Variants in ADAM32 observed in about 807,000 individuals in gnomAD.
The protein encoded by ADAM32 is ADAM metallopeptidase domain 32.
In ADAM32, 89 loss-of-function variants were observed where a neutral mutation model predicts 114.9. That is an observed-to-expected ratio of 0.77 (90% CI 0.65 to 0.92). ADAM32 has a LOEUF of 0.92. Among genes scored for constraint, ADAM32 ranks in the 40% least tolerant of loss-of-function variants. ADAM32 has a pLI of 0.00. For synonymous variants in ADAM32, 285 were observed against 307.5 expected, an observed-to-expected ratio of 0.93 and a Z score of 0.77; for missense variants, 870 against 932.8, an observed-to-expected ratio of 0.93 and a Z score of 0.88.
intron 13 of ADAM32, among the ~76,000 whole-genome samples, 196 bp from the exon 14 acceptor site, chr8:39,222,844 G>A (rs183175599): frequency 1.3e-5 from 2 of 151,996 alleles, no homozygotes; most frequent in Non-Finnish European, 1.5e-5. Flanking sequence ...TTGTACATAT[G>A]TCTTATCTCC....
At chr8:39,271,159 G>A (rs1025015273) in intron 20 of ADAM32, among the ~76,000 whole-genome samples, 2 of 152,100 alleles carry the variant, frequency 1.3e-5, no homozygotes, top group African/African-American at 4.8e-5. Context: ...AAATGAGATA[G>A]GACATGTATA....
intron 3 of ADAM32, among the ~76,000 whole-genome samples, chr8:39,145,904 T>A (rs1378247295): frequency 6.6e-6 from 1 of 151,928 alleles, no homozygotes; most frequent in African/African-American, 2.4e-5. Context: ...CTAATTTTGG[T>A]ATTTTTGGTA....
Position 39,180,314 on chromosome 8 carries a change from T to C in ADAM32, c.916-6595T>C, listed in dbSNP as rs1285544069. Among the ~76,000 whole-genome samples the C allele has an allele frequency of 2.0e-5, 3 of 152,204 alleles. No individual in the cohort carries two copies. The East Asian group carries it at 5.8e-4, about 29-fold the overall frequency. ...CCCAGCAGTGCCAGCCCACGGGTGC[T>C]GTGCTCGATTTCTCGCCGGGCCTTA... On this transcript the variant is annotated intron_variant, in intron 10 of 24. Coordinates refer to ENST00000379907, the MANE Select transcript of ADAM32 (RefSeq NM_145004.7).
chr8:39,129,941 G>A, intron 2 of ADAM32: 1 of 302,880 alleles, frequency 3.3e-6, no homozygotes. Context: ...GCATAAAATT[G>A]TACATCACAT....
intron 12 of ADAM32, among the ~76,000 whole-genome samples, chr8:39,217,832 G>A (rs887617992): frequency 6.6e-6 from 1 of 152,140 alleles, no homozygotes; most frequent in African/African-American, 2.4e-5. Context: ...TGTCTGAAAG[G>A]TCACATATCT....
At chr8:39,185,248 C>T (rs1806145350) in intron 10 of ADAM32, among the ~76,000 whole-genome samples, 1 of 129,110 alleles carries the variant, frequency 7.7e-6, no homozygotes, top group African/African-American at 2.9e-5. Context: ...CTAGGCAACA[C>T]GAGTGAAACT....
chr8:39,258,906 CTAA>C (rs756502786), intron 19 of ADAM32, among the ~76,000 whole-genome samples: 8 of 152,214 alleles, frequency 5.3e-5, no homozygotes, highest in East Asian at 1.9e-4. Flanking sequence ...TTAATCATTA[CTAA>C]TAATATCTTA....
Position 39,232,126 on chromosome 8 carries a change from G to A in ADAM32, c.1625G>A (p.Cys542Tyr), listed in dbSNP as rs755461733. The A allele has an allele frequency of 1.9e-6, 3 of 1,591,954 alleles. No homozygotes were observed. The highest frequency in any genetic ancestry group is 3.4e-5 in the Admixed American group (2 of 58,844). The change falls in exon 15 of 25, where the codon TGT becomes TAT. Residue 542 changes from cysteine (C) to tyrosine (Y), a missense_variant. Transcript: ENST00000379907. The stretch of plus-strand genomic sequence containing the variant: ...GATAGAAATAACAAATATGTGTTCT[G>A]TGGATGGAGGTATGCTCTACAAATA... ...GRDRNNKYVF[C>Y]GWRNLICGRL...
At chr8:39,206,389 G>A (rs1456018673) in intron 11 of ADAM32, among the ~76,000 whole-genome samples, 1 of 152,210 alleles carries the variant, frequency 6.6e-6, no homozygotes, top group Admixed American at 6.5e-5. Context: ...CAGCAGTGGT[G>A]GCAGTTGGTA....
In ADAM32 at chr8:39,224,113, C is replaced by T. The variant is rs548607997; in HGVS notation, c.1525+875C>T. The T allele has an allele frequency of 7.2e-5, 11 of 152,238 alleles. No individual in the cohort carries two copies. The South Asian group carries it at 1.9e-3, about 26-fold the overall frequency. 9.4% of individuals were successfully genotyped at this position (152,238 alleles called of 1,614,324 possible). On this transcript the variant is annotated intron_variant, in intron 14 of 24. Coordinates refer to ENST00000379907, the MANE Select transcript of ADAM32 (RefSeq NM_145004.7). The stretch of plus-strand genomic sequence containing the variant: ...CTAAGCTAAAAGTGAACTTTCTTCT[C>T]TTATACTCAGAACACAAATAAAACT...
Position 39,223,171 on chromosome 8 carries a change from T to C in ADAM32, c.1458T>C (p.Asn486=). 6.2e-7 allele frequency: 1 copy of C among 1,601,050 alleles called. No homozygotes were observed. Among genetic ancestry groups the C allele is most frequent in the Non-Finnish European group, 8.5e-7 (1 of 1,174,066 alleles). Residue 486 remains asparagine (N), a synonymous_variant, in exon 14 of 25, where the codon AAT becomes AAC. Transcript: ENST00000379907. ...TCAATGGACTTTCATGCAAAAATAA[T>C]AAGTTTATTTGTTATGACGGAGACT... ...TLINGLSCKN[N]KFICYDGDCH...
chr8:39,200,122 T>A (rs1807297918), intron 11 of ADAM32, among the ~76,000 whole-genome samples: 1 of 152,344 alleles, frequency 6.6e-6, no homozygotes, highest in African/African-American at 2.4e-5. Context: ...TTTATAATCC[T>A]TTGGGTATAT....
chr8:39,258,996 C>T (rs1363625027), intron 19 of ADAM32, among the ~76,000 whole-genome samples: 2 of 151,894 alleles, frequency 1.3e-5, no homozygotes, highest in East Asian at 1.9e-4. Flanking sequence ...CAACTTTTTT[C>T]GTTTTTTTCT....
At chr8:39,148,368 A>G (rs1392000213) in intron 4 of ADAM32, among the ~76,000 whole-genome samples, 1 of 152,062 alleles carries the variant, frequency 6.6e-6, no homozygotes, top group Non-Finnish European at 1.5e-5. Context: ...CAACAGACCC[A>G]TATGTTTTTC....
intron 11 of ADAM32, among the ~76,000 whole-genome samples, chr8:39,206,848 G>T (rs904144778): frequency 3.3e-5 from 5 of 152,094 alleles, no homozygotes; most frequent in Non-Finnish European, 7.3e-5. Flanking sequence ...ATCTGAACCT[G>T]AATCTGGTGG....
In ADAM32 at chr8:39,165,017, C is replaced by T; in HGVS notation, c.667-13C>T. 6.3e-7 allele frequency: 1 copy of T among 1,579,028 alleles called. No individual in the cohort carries two copies. The highest frequency in any genetic ancestry group is 8.6e-7 in the Non-Finnish European group (1 of 1,162,794). On this transcript the variant is annotated splice_polypyrimidine_tract_variant and intron_variant, in intron 8 of 24. Transcript: ENST00000379907. The stretch of plus-strand genomic sequence containing the variant: ...ATATTAATTATGCATGTATTTATCT[C>T]TTCTGTTTTTAGATGTTCACCCAAT...
Position 39,150,423 on chromosome 8 carries a change from G to A in ADAM32, c.353+556G>A, listed in dbSNP as rs1803753360. Among the ~76,000 whole-genome samples, 4 of 152,226 alleles carry A rather than the reference G, an allele frequency of 2.6e-5. No homozygotes were observed. In the South Asian group the frequency reaches 8.3e-4, roughly 32 times the overall value. On this transcript the variant is annotated intron_variant, in intron 5 of 24. Coordinates refer to ENST00000379907, the MANE Select transcript of ADAM32 (RefSeq NM_145004.7). Reference sequence around the variant, plus strand: ...CCATGTGTTTTAATGTTGGAGATATGAAGATAAAGAAGAGATGCTTTTTCT... The same window carrying A: ...CCATGTGTTTTAATGTTGGAGATATAAAGATAAAGAAGAGATGCTTTTTCT...
chr8:39,160,497 G>A (rs1804430992), intron 6 of ADAM32, among the ~76,000 whole-genome samples: 1 of 129,262 alleles, frequency 7.7e-6, no homozygotes, highest in African/African-American at 3.0e-5. Context: ...CTGAGATCGC[G>A]CCACTGCACT....
intron 22 of ADAM32, among the ~76,000 whole-genome samples, chr8:39,280,613 T>C: frequency 6.6e-6 from 1 of 152,190 alleles, no homozygotes; most frequent in African/African-American, 2.4e-5. Context: ...TTGTACTATA[T>C]GTTGCATTTG....
Sources: gnomAD v4.1 joint callset for allele counts (sites outside exome capture counted in the v4.1 genomes callset) on GRCh38, gnomAD v4.1.1 for gene constraint, MANE v1.5 for transcripts, NCBI Gene and HGNC (gene_info 2026-07-23, HGNC 2026-07-21) for gene names.